Variants in SIPA1L1 observed in about 807,000 individuals in gnomAD.
The protein encoded by SIPA1L1 is signal-induced proliferation-associated 1-like protein 1.
In SIPA1L1, 26 loss-of-function variants were observed where a neutral mutation model predicts 162.7. The ratio of observed to expected loss-of-function variants is 0.16; its 90% CI spans 0.12 to 0.22. SIPA1L1 has a LOEUF of 0.22. SIPA1L1 is among the 10% of genes least tolerant of loss of function. The probability of loss-of-function intolerance (pLI) is 1.00; values close to 1 mark genes in which losing one functional copy is unlikely to be tolerated. For synonymous variants in SIPA1L1, 829 were observed against 837.4 expected (o/e 0.99, Z 0.17); for missense variants, 1,874 against 2,241.0 (o/e 0.84, Z 3.31).
chr14:71,618,947 A>C, intron 6 of SIPA1L1, 60 bp downstream of exon 6: 1 of 1,570,674 alleles, frequency 6.4e-7, no homozygotes, highest in Non-Finnish European at 8.7e-7. Flanking sequence ...AGCAAATAGT[A>C]GCAGTAGCAA....
At chr14:71,338,079 C>T (rs1455999031) in intron 2 of SIPA1L1, among the ~76,000 whole-genome samples, 3 of 152,346 alleles carry the variant, frequency 2.0e-5, no homozygotes, top group East Asian at 3.9e-4. Flanking sequence ...AGCCCCTGAA[C>T]ACTAGTTTTA....
intron 4 of SIPA1L1, among the ~76,000 whole-genome samples, chr14:71,554,737 C>T (rs2056196331): frequency 6.6e-6 from 1 of 152,174 alleles, no homozygotes; most frequent in Non-Finnish European, 1.5e-5. Flanking sequence ...GGCTACCACA[C>T]TTTTTATAAT....
chr14:71,710,665 G>T (rs528988983), intron 17 of SIPA1L1, among the ~76,000 whole-genome samples: 4 of 152,118 alleles, frequency 2.6e-5, no homozygotes, highest in African/African-American at 7.2e-5. Context: ...GAAATTAGCT[G>T]GGCATGGTGG....
At chr14:71,339,120 C>G (rs1041493014) in intron 2 of SIPA1L1, among the ~76,000 whole-genome samples, 1 of 152,152 alleles carries the variant, frequency 6.6e-6, no homozygotes, top group Admixed American at 6.6e-5. Flanking sequence ...AGCATAGAGT[C>G]AAGGGAGTAA....
At chr14:71,498,016 A>C (rs764310990) in intron 2 of SIPA1L1, 5 of 152,180 alleles carry the variant, frequency 3.3e-5, no homozygotes, top group Non-Finnish European at 7.3e-5. Flanking sequence ...CCAGCATTTT[A>C]AATTTTGGCC....
chr14:71,442,638 T>A (rs1317671283), intron 2 of SIPA1L1, among the ~76,000 whole-genome samples: 1 of 152,068 alleles, frequency 6.6e-6, no homozygotes, highest in East Asian at 1.9e-4. Context: ...TTTAAAGATT[T>A]GATGATTGGC....
chr14:71,618,161 G>A (rs962021626), intron 5 of SIPA1L1, among the ~76,000 whole-genome samples: 2 of 152,178 alleles, frequency 1.3e-5, no homozygotes, highest in Non-Finnish European at 2.9e-5. Flanking sequence ...GCCCTGCACT[G>A]TGGGATACCG....
At chr14:71,525,252 G>A (rs989779641) in intron 3 of SIPA1L1, among the ~76,000 whole-genome samples, 8 of 150,790 alleles carry the variant, frequency 5.3e-5, no homozygotes, top group Non-Finnish European at 1.0e-4. Context: ...GTACGATCTC[G>A]GCTCACTGCA....
At chr14:71,586,552 C>T (rs1315085771) in intron 4 of SIPA1L1, 1 of 152,168 alleles carries the variant, frequency 6.6e-6, no homozygotes, top group Non-Finnish European at 1.5e-5. Context: ...TTTGTGGAGT[C>T]TTGGAAAAGG....
chr14:71,326,333 C>T (rs1204061857), intron 2 of SIPA1L1, among the ~76,000 whole-genome samples: 1 of 151,838 alleles, frequency 6.6e-6, no homozygotes, highest in East Asian at 1.9e-4. Context: ...CTCAGCCTCC[C>T]GAGTAGCTGG....
At chr14:71,555,876 T>C (rs2056309595) in intron 4 of SIPA1L1, among the ~76,000 whole-genome samples, 1 of 152,204 alleles carries the variant, frequency 6.6e-6, no homozygotes, top group Admixed American at 6.5e-5. Context: ...CATTTGTTGA[T>C]TGATTGCCGT....
At chr14:71,482,743 A>G (rs2048447577) in intron 2 of SIPA1L1, among the ~76,000 whole-genome samples, 1 of 152,196 alleles carries the variant, frequency 6.6e-6, no homozygotes, top group South Asian at 2.1e-4. Context: ...GTCTGGGTTC[A>G]AAGAATTGAC....
chr14:71,703,209 C>T (rs1303819057), intron 15 of SIPA1L1, among the ~76,000 whole-genome samples: 1 of 152,200 alleles, frequency 6.6e-6, no homozygotes, highest in Non-Finnish European at 1.5e-5. Flanking sequence ...GCATCATTAA[C>T]TTGAATCTAG....
chr14:71,702,600 G>T, intron 15 of SIPA1L1, 95 bp downstream of exon 15: 1 of 1,090,034 alleles, frequency 9.2e-7, no homozygotes. Flanking sequence ...ATAAAAGGTA[G>T]CCCTAGTTAA....
chr14:71,507,677 A>C (rs906845327), intron 2 of SIPA1L1, among the ~76,000 whole-genome samples: 4 of 152,160 alleles, frequency 2.6e-5, no homozygotes, highest in Non-Finnish European at 5.9e-5. Flanking sequence ...TCAGTTTCTC[A>C]TACTGACTTG....
intron 2 of SIPA1L1, among the ~76,000 whole-genome samples, chr14:71,367,460 C>T (rs2038426369): frequency 1.3e-5 from 2 of 151,756 alleles, no homozygotes; most frequent in Admixed American, 1.3e-4. Context: ...GCGCCCGCCA[C>T]CGCGCCCGGC....
rs117346246 is a variant in SIPA1L1, at chr14:71,702,073, C to A, written c.3522-308C>A. On this transcript the variant is annotated intron_variant, in intron 14 of 23. Coordinates refer to ENST00000381232, the MANE Select transcript of SIPA1L1 (RefSeq NM_001386936.1). ...AAGTCTGAACTTGGCTGTACGAGGG[C>A]TTAGAAAATTTTGGTTTCTTATACT... Among the ~76,000 whole-genome samples the A allele has an allele frequency of 3.2e-3, 492 of 152,268 alleles. 1 individual carries two copies. Among genetic ancestry groups the A allele is most frequent in the South Asian group, 6.8e-3 (33 of 4,826 alleles).
rs979297689 is a variant in SIPA1L1, at chr14:71,511,459, A to AT, written c.-464-1274dup. ...GCCACCATGCCTGGCTAAATTTTTT[A>AT]TTTTTTTTTTGCAGAGTTGGGGTCT... is the stretch of plus-strand genomic sequence containing the variant. On this transcript the variant is annotated intron_variant, in intron 2 of 23. Coordinates refer to ENST00000381232, the MANE Select transcript of SIPA1L1 (RefSeq NM_001386936.1). Among the ~76,000 whole-genome samples, 887 of 147,376 alleles carry AT rather than the reference A, an allele frequency of 6.0e-3. 6 individuals carry two copies. The highest frequency in any genetic ancestry group is 0.02 in the African/African-American group (814 of 40,262).
chr14:71,637,980 A>G (rs1466199971), intron 7 of SIPA1L1, among the ~76,000 whole-genome samples: 7 of 152,152 alleles, frequency 4.6e-5, no homozygotes, highest in Admixed American at 4.6e-4. Context: ...AAATGGGAGA[A>G]CTCCTCAGAA....
Sources: allele counts gnomAD v4.1 joint callset (sites outside exome capture counted in the v4.1 genomes callset), GRCh38; gene constraint gnomAD v4.1.1; transcripts MANE v1.5; gene names NCBI Gene and HGNC (gene_info 2026-07-23, HGNC 2026-07-21).